The following POFUT3 variants were observed in gnomAD, a reference collection of about 807,000 sequenced individuals.
POFUT3 encodes GDP-fucose protein O-fucosyltransferase 3.
chr8:33,319,751 T>TA, the POFUT3 span, among the ~76,000 whole-genome samples: 14 of 39,638 alleles, frequency 3.5e-4, 3 homozygotes, highest in African/African-American at 1.0e-3. Context: ...TATATTTATA[T>TA]ATATATAATA....
the POFUT3 span, among the ~76,000 whole-genome samples, chr8:33,408,850 G>T: frequency 6.6e-6 from 1 of 151,992 alleles, no homozygotes; most frequent in Admixed American, 6.6e-5. Context: ...TAAAGGAAAG[G>T]TTCTATATCT....
chr8:33,318,614 T>C, the POFUT3 span, among the ~76,000 whole-genome samples: 2 of 90,572 alleles, frequency 2.2e-5, no homozygotes, highest in African/African-American at 1.1e-4. Context: ...AAATATATTG[T>C]ATATATATTT....
At chr8:33,319,427 T>G in the POFUT3 span, among the ~76,000 whole-genome samples, 1 of 67,506 alleles carries the variant, frequency 1.5e-5, no homozygotes, top group South Asian at 6.6e-4. Flanking sequence ...ATATATTATA[T>G]ATATATTTTT....
the POFUT3 span, chr8:33,451,587 T>C: frequency 1.3e-5 from 2 of 151,878 alleles, no homozygotes; most frequent in Non-Finnish European, 2.9e-5. Context: ...TGTGTACATA[T>C]GTGTATGTGT....
the POFUT3 span, among the ~76,000 whole-genome samples, chr8:33,310,581 C>T: frequency 6.6e-6 from 1 of 151,820 alleles, no homozygotes; most frequent in Non-Finnish European, 1.5e-5. Flanking sequence ...GTCCCAGCTA[C>T]TCGGGAGGCT....
At chr8:33,407,591 T>A in the POFUT3 span, among the ~76,000 whole-genome samples, 51,393 of 151,534 alleles carry the variant, frequency 0.34, 9,039 homozygotes, top group South Asian at 0.44. Flanking sequence ...TAAAAAAAAT[T>A]TTTTATCTCA....
the POFUT3 span, among the ~76,000 whole-genome samples, chr8:33,378,268 C>T: frequency 6.6e-6 from 1 of 152,220 alleles, no homozygotes; most frequent in East Asian, 1.9e-4. Flanking sequence ...TAAGCCACTG[C>T]GGGAGCAGTA....
chr8:33,464,863 C>G, the POFUT3 span, among the ~76,000 whole-genome samples: 1 of 152,134 alleles, frequency 6.6e-6, no homozygotes, highest in Non-Finnish European at 1.5e-5. Context: ...CCTGCCTAAA[C>G]CACAGAAAAC....
At chr8:33,308,426 C>T in the POFUT3 span, among the ~76,000 whole-genome samples, 8 of 152,288 alleles carry the variant, frequency 5.3e-5, no homozygotes, top group African/African-American at 1.9e-4. Context: ...GATCCATTTT[C>T]CTCTCTGTAA....
At chr8:33,390,480 A>G in the POFUT3 span, among the ~76,000 whole-genome samples, 1 of 151,802 alleles carries the variant, frequency 6.6e-6, no homozygotes, top group African/African-American at 2.4e-5. Context: ...ACAGTTCTTT[A>G]AAAAGAAAAG....
the POFUT3 span, among the ~76,000 whole-genome samples, chr8:33,403,567 A>T: frequency 6.6e-6 from 1 of 151,992 alleles, no homozygotes; most frequent in Non-Finnish European, 1.5e-5. Flanking sequence ...AAATTTTTGA[A>T]GTTAGCCAGG....
the POFUT3 span, among the ~76,000 whole-genome samples, chr8:33,309,138 TAAAAAAAAAAAAAAAAAAA>T: frequency 0.044 from 1,813 of 40,888 alleles, 34 homozygotes; most frequent in Non-Finnish European, 0.063. Flanking sequence ...CTGGGGAGTG[TAAAAAAAAAAAAAAAAAAA>T]AAAAAAAAAA....
At chr8:33,318,656 TATATAA>T in the POFUT3 span, among the ~76,000 whole-genome samples, 6 of 84,614 alleles carry the variant, frequency 7.1e-5, no homozygotes, top group Non-Finnish European at 8.3e-5. Context: ...TATATATATT[TATATAA>T]TATATAAATA....
chr8:33,389,198 T>C, the POFUT3 span: 1 of 1,614,092 alleles, frequency 6.2e-7, no homozygotes, highest in Middle Eastern at 1.6e-4. Context: ...GTGAGAAAAT[T>C]CTGATACAAG....
At chr8:33,372,244 T>C in the POFUT3 span, 249 of 1,045,300 alleles carry the variant, frequency 2.4e-4, no homozygotes, top group Non-Finnish European at 2.5e-4. Flanking sequence ...CAAGAATCTA[T>C]AGCTAGATCG....
At chr8:33,318,701 T>A in the POFUT3 span, among the ~76,000 whole-genome samples, 1 of 84,050 alleles carries the variant, frequency 1.2e-5, no homozygotes, top group African/African-American at 4.9e-5. Flanking sequence ...TATATATTTA[T>A]ATAATATATA....
chr8:33,332,944 G>A, the POFUT3 span, among the ~76,000 whole-genome samples: 196 of 151,916 alleles, frequency 1.3e-3, 1 homozygote, highest in African/African-American at 4.4e-3. Flanking sequence ...CTTCATCTTC[G>A]GGCTTGAGCT....
the POFUT3 span, among the ~76,000 whole-genome samples, chr8:33,409,057 A>G: frequency 6.6e-6 from 1 of 152,198 alleles, no homozygotes; most frequent in Non-Finnish European, 1.5e-5. Context: ...TCTGAGTTAG[A>G]TATAGGCTAG....
the POFUT3 span, among the ~76,000 whole-genome samples, chr8:33,417,349 A>G: frequency 1.3e-5 from 2 of 152,208 alleles, no homozygotes; most frequent in African/African-American, 4.8e-5. Context: ...AATAACAGAT[A>G]TAAAGTGCAC....
Sources: gnomAD v4.1 joint callset for allele counts (sites outside exome capture counted in the v4.1 genomes callset) on GRCh38, gnomAD v4.1.1 for gene constraint, MANE v1.5 for transcripts, NCBI Gene and HGNC (gene_info 2026-07-23, HGNC 2026-07-21) for gene names.